The following HNF4G variants were observed in gnomAD, a reference collection of about 807,000 sequenced individuals.
The protein encoded by HNF4G is hepatocyte nuclear factor 4 gamma.
In HNF4G, 21 loss-of-function variants were observed where a neutral mutation model predicts 50.9. The ratio of observed to expected loss-of-function variants is 0.41; its 90% confidence interval spans 0.29 to 0.59. The LOEUF (loss-of-function observed/expected upper bound fraction) is 0.59. HNF4G is among the 20% of genes least tolerant of loss of function. HNF4G has a pLI of 0.26. For missense variants in HNF4G, 527 were observed against 559.4 expected, an observed-to-expected ratio of 0.94 and a Z score of 0.58; for synonymous variants, 198 against 185.6, an observed-to-expected ratio of 1.07 and a Z score of -0.54.
At chr8:75,523,511 TA>T (rs1178549904) in intron 2 of HNF4G, among the ~76,000 whole-genome samples, 1 of 152,138 alleles carries the variant, frequency 6.6e-6, no homozygotes, top group Non-Finnish European at 1.5e-5. Flanking sequence ...TATAATAAAC[TA>T]ATGTTTTCAA....
intron 9 of HNF4G, among the ~76,000 whole-genome samples, chr8:75,562,346 AG>A (rs1456807965): frequency 6.6e-6 from 1 of 152,230 alleles, no homozygotes; most frequent in Non-Finnish European, 1.5e-5. Flanking sequence ...TGAAATTGTT[AG>A]GAAAAAATAT....
At chr8:75,559,925 T>C (rs1300791285) in intron 8 of HNF4G, among the ~76,000 whole-genome samples, 1 of 152,232 alleles carries the variant, frequency 6.6e-6, no homozygotes, top group African/African-American at 2.4e-5. Context: ...TTAAATTTCC[T>C]TGTAAAATCA....
In HNF4G at chr8:75,436,033, CTGTCT is replaced by C. The variant is rs144074299; in HGVS notation, c.-144+27873_-144+27877del. 1.1e-3 allele frequency among the ~76,000 whole-genome samples: 163 copies of C among 152,282 alleles called. 2 individuals carry two copies. In the East Asian group the frequency reaches 0.031, roughly 29 times the overall value. The stretch of plus-strand genomic sequence containing the variant: ...TGTATATATCAATAGTCTGTTGCTA[CTGTCT>C]TAACTTTGAAATATTCTGTTATAAT... On this transcript the variant is annotated intron_variant, in intron 1 of 10. Transcript: ENST00000354370.
intron 2 of HNF4G, among the ~76,000 whole-genome samples, chr8:75,501,444 T>A (rs1252146757): frequency 1.3e-5 from 2 of 152,124 alleles, no homozygotes; most frequent in African/African-American, 4.8e-5. Context: ...CTGTCTCAGA[T>A]AACAAAATGT....
intron 8 of HNF4G, among the ~76,000 whole-genome samples, chr8:75,559,288 T>G (rs1269704059): frequency 1.4e-5 from 2 of 146,196 alleles, no homozygotes; most frequent in South Asian, 2.2e-4. Flanking sequence ...TTTTTTTTTT[T>G]TTTTAAGACA....
chr8:75,482,336 G>A (rs1812399250), intron 1 of HNF4G, among the ~76,000 whole-genome samples: 1 of 152,060 alleles, frequency 6.6e-6, no homozygotes, highest in African/African-American at 2.4e-5. Flanking sequence ...TGTATTAAAA[G>A]CCTCTCTTCT....
intron 2 of HNF4G, among the ~76,000 whole-genome samples, chr8:75,524,017 T>G (rs1316015975): frequency 8.1e-6 from 1 of 122,896 alleles, no homozygotes; most frequent in Non-Finnish European, 1.8e-5. Flanking sequence ...ATGAGTATAC[T>G]TATATACTTA....
At chr8:75,477,144 TC>T (rs1273623544) in intron 1 of HNF4G, among the ~76,000 whole-genome samples, 3 of 152,230 alleles carry the variant, frequency 2.0e-5, no homozygotes, top group Admixed American at 1.3e-4. Flanking sequence ...TAGAAGCATT[TC>T]CCAGTTTTGC....
intron 2 of HNF4G, among the ~76,000 whole-genome samples, chr8:75,521,477 C>A (rs1205702433): frequency 2.0e-5 from 3 of 152,080 alleles, no homozygotes; most frequent in Admixed American, 2.0e-4. Context: ...TGAATGATTT[C>A]TTTTTCCAAC....
At chr8:75,544,082 C>G in intron 2 of HNF4G, 103 bp downstream of exon 2, 1 of 990,290 alleles carries the variant, frequency 1.0e-6, no homozygotes, top group Non-Finnish European at 1.5e-6. Context: ...ATCTGTAAGT[C>G]TATAAATACA....
chr8:75,481,729 G>T (rs1010796909), intron 1 of HNF4G, among the ~76,000 whole-genome samples: 4 of 151,934 alleles, frequency 2.6e-5, no homozygotes, highest in African/African-American at 9.7e-5. Context: ...GATCAACATG[G>T]CCAAATTCTA....
intron 1 of HNF4G, among the ~76,000 whole-genome samples, chr8:75,543,302 C>T (rs1439448291): frequency 6.6e-6 from 1 of 152,108 alleles, no homozygotes; most frequent in Non-Finnish European, 1.5e-5. Flanking sequence ...AATAAAGACT[C>T]ACAGATTATT....
intron 3 of HNF4G, among the ~76,000 whole-genome samples, chr8:75,551,144 A>T (rs953711878): frequency 1.3e-5 from 2 of 152,106 alleles, no homozygotes; most frequent in Non-Finnish European, 2.9e-5. Flanking sequence ...GAACTGGCTG[A>T]CCCAACACTT....
chr8:75,439,471 C>T (rs1159188610), intron 1 of HNF4G, among the ~76,000 whole-genome samples: 1 of 151,936 alleles, frequency 6.6e-6, no homozygotes, highest in African/African-American at 2.4e-5. Context: ...TTATAGGACT[C>T]ATCATAATAA....
chr8:75,488,484 G>A (rs1812546392), intron 1 of HNF4G, among the ~76,000 whole-genome samples: 1 of 151,886 alleles, frequency 6.6e-6, no homozygotes, highest in African/African-American at 2.4e-5. Context: ...CATCATGTTG[G>A]CCAGGTTGGT....
intron 1 of HNF4G, among the ~76,000 whole-genome samples, chr8:75,418,268 C>T (rs111714985): frequency 6.6e-6 from 1 of 152,080 alleles, no homozygotes; most frequent in East Asian, 1.9e-4. Context: ...GAGGGCCCAC[C>T]AACTTGACTT....
chr8:75,421,002 TG>T lies in HNF4G; in HGVS notation c.-144+12841del, dbSNP rs1413733077. Among the ~76,000 whole-genome samples the T allele has an allele frequency of 1.3e-5, 2 of 152,234 alleles. 1 individual carries two copies. The highest frequency in any genetic ancestry group is 2.9e-5 in the Non-Finnish European group (2 of 68,046). The stretch of plus-strand genomic sequence containing the variant: ...AATGAAAGTATAATTCAGCCTCATG[TG>T]TACTTTTAGTTCTCTTATAGCCACA... On this transcript the variant is annotated intron_variant, in intron 1 of 10. Coordinates refer to the HNF4G transcript ENST00000354370.
intron 1 of HNF4G, among the ~76,000 whole-genome samples, chr8:75,452,822 A>G (rs892913794): frequency 3.3e-5 from 5 of 152,214 alleles, no homozygotes; most frequent in African/African-American, 1.2e-4. Context: ...GCTCTTCACT[A>G]TTAGATAATC....
intron 5 of HNF4G, among the ~76,000 whole-genome samples, 154 bp from the exon 6 acceptor site, chr8:75,555,828 T>C (rs1173140444): frequency 2.6e-5 from 4 of 152,116 alleles, no homozygotes; most frequent in East Asian, 3.9e-4. Context: ...GATAGAAAAC[T>C]GGAAGGCTTA....
Sources: allele counts gnomAD v4.1 joint callset (sites outside exome capture counted in the v4.1 genomes callset), GRCh38; gene constraint gnomAD v4.1.1; transcripts MANE v1.5; gene names NCBI Gene and HGNC (gene_info 2026-07-23, HGNC 2026-07-21).